PRKCH: variants seen among roughly 807,000 people sequenced by gnomAD.
PRKCH encodes the protein protein kinase C eta type.
Under a neutral mutation model 82.5 loss-of-function variants are expected in PRKCH, and 28 were observed. The observed-to-expected ratio is 0.34, with a 90% CI of 0.25 to 0.47. PRKCH has a LOEUF of 0.47. PRKCH is among the 20% of genes least tolerant of loss of function. PRKCH has a pLI of 1.00. For synonymous variants in PRKCH, 322 were observed against 327.4 expected (o/e 0.98, Z 0.18); for missense variants, 705 against 881.8 (o/e 0.80, Z 2.54).
intron 1 of PRKCH, among the ~76,000 whole-genome samples, chr14:61,383,650 C>T (rs1383444990): frequency 1.3e-5 from 2 of 151,688 alleles, no homozygotes; most frequent in Admixed American, 1.3e-4. Context: ...GAGTACCTTG[C>T]AGTTGTCCCG....
Position 61,241,951 on chromosome 14 carries a change from G to A in PRKCH, c.-19+54283G>A, listed in dbSNP as rs530299637. ...TATTTGAGAATGGAGGGAGATTAAC[G>A]TGTTGTTCCCAGTGCATTTCTAGCC... is the stretch of plus-strand genomic sequence containing the variant. On this transcript the variant is annotated intron_variant, in intron 1 of 3. Coordinates refer to the PRKCH transcript ENST00000555185. Among the ~76,000 whole-genome samples, 78 of 152,256 alleles carry A rather than the reference G, an allele frequency of 5.1e-4. No homozygotes were observed. In the South Asian group the frequency reaches 7.7e-3, roughly 15 times the overall value.
chr14:61,194,129 C>A (rs1350740892), intron 1 of PRKCH, among the ~76,000 whole-genome samples: 2 of 151,994 alleles, frequency 1.3e-5, no homozygotes, highest in East Asian at 3.9e-4. Flanking sequence ...TCTCTATTTG[C>A]TTGTTGTTAT....
intron 2 of PRKCH, among the ~76,000 whole-genome samples, chr14:61,404,977 T>C (rs1881860128): frequency 6.6e-6 from 1 of 152,204 alleles, no homozygotes; most frequent in South Asian, 2.1e-4. Context: ...ACTTAAGTGA[T>C]GTTCACTTAT....
chr14:61,449,130 G>A (rs1418457243), intron 4 of PRKCH, 34 bp from the exon 5 acceptor site: 2 of 1,592,410 alleles, frequency 1.3e-6, no homozygotes, highest in Admixed American at 1.7e-5. Flanking sequence ...GTGAGCTTCT[G>A]ATAAATGTAT....
Position 61,280,623 on chromosome 14 carries a change from C to T in PRKCH, c.-19+92955C>T. 1 of 1,579,072 alleles carries T rather than the reference C, an allele frequency of 6.3e-7. No homozygotes were observed. ...CGCCGGGCTGGCGCTGGTGCCAAAGCGAGAAGGAGTCGTTGAAGAGGCTGT... is the reference window on the plus strand; with the variant it reads ...CGCCGGGCTGGCGCTGGTGCCAAAGTGAGAAGGAGTCGTTGAAGAGGCTGT... On this transcript the variant is annotated intron_variant, in intron 1 of 3. Transcript: ENST00000555185. The surrounding 1 kb of genome is among the most constrained non-coding windows in gnomAD (Gnocchi z 5.0).
intron 1 of PRKCH, among the ~76,000 whole-genome samples, chr14:61,252,132 C>T (rs899403950): frequency 5.9e-5 from 9 of 152,218 alleles, no homozygotes; most frequent in Non-Finnish European, 1.2e-4. Context: ...GCCACCGTGC[C>T]CAGCCGAGGG....
At chr14:61,352,640 A>AAAAG (rs200488966) in intron 1 of PRKCH, among the ~76,000 whole-genome samples, 14 of 147,456 alleles carry the variant, frequency 9.5e-5, no homozygotes, top group South Asian at 2.2e-4. Flanking sequence ...ACTCCATCTC[A>AAAAG]AAAGAAAGAA....
At position 61,213,268 on chromosome 14, in the gene PRKCH, G is replaced by T. The variant is rs2044595519; in HGVS notation, c.-19+25600G>T. Among the ~76,000 whole-genome samples, 3 of 152,196 alleles carry T rather than the reference G, an allele frequency of 2.0e-5. No homozygotes were observed. The South Asian group carries it at 6.2e-4, about 32-fold the overall frequency. ...TAAAAAGGTCAGCAGAAATCACAAA[G>T]TCAAGGAAGAGTCTTGGTTTTTGTC... On this transcript the variant is annotated intron_variant, in intron 1 of 3. Transcript: ENST00000555185.
At chr14:61,224,087 C>T (rs2140054514) in intron 1 of PRKCH, among the ~76,000 whole-genome samples, 1 of 152,310 alleles carries the variant, frequency 6.6e-6, no homozygotes, top group South Asian at 2.1e-4. Context: ...ACTGAGAAGT[C>T]TCGATCCCAC....
chr14:61,419,987 C>T (rs1882751066), intron 2 of PRKCH, among the ~76,000 whole-genome samples: 2 of 152,184 alleles, frequency 1.3e-5, no homozygotes, highest in African/African-American at 4.8e-5. Context: ...TAGAGTCACC[C>T]TCACTGCACA....
chr14:61,341,432 C>T (rs889230378), intron 1 of PRKCH, among the ~76,000 whole-genome samples: 1 of 152,192 alleles, frequency 6.6e-6, no homozygotes, highest in Non-Finnish European at 1.5e-5. Flanking sequence ...ACAAAGACAT[C>T]CATAAACAGG....
chr14:61,547,174 A>G (rs905982083), intron 12 of PRKCH, among the ~76,000 whole-genome samples: 1 of 152,222 alleles, frequency 6.6e-6, no homozygotes, highest in African/African-American at 2.4e-5. Flanking sequence ...TCTTCGCTGC[A>G]TAAAGAAAAG....
intron 10 of PRKCH, among the ~76,000 whole-genome samples, chr14:61,516,471 A>G (rs145394106): frequency 0.021 from 3,265 of 152,326 alleles, 63 homozygotes; most frequent in Non-Finnish European, 0.03. Flanking sequence ...CACATTTAAT[A>G]ATGACTTTTA....
At chr14:61,197,847 G>A (rs904708122) in intron 1 of PRKCH, among the ~76,000 whole-genome samples, 7 of 152,252 alleles carry the variant, frequency 4.6e-5, no homozygotes, top group African/African-American at 7.2e-5. Context: ...TGTGAGGTGC[G>A]TAGAGATGTG....
At chr14:61,435,241 G>A (rs1883620113) in intron 2 of PRKCH, among the ~76,000 whole-genome samples, 1 of 152,126 alleles carries the variant, frequency 6.6e-6, no homozygotes, top group South Asian at 2.1e-4. Context: ...GGTGCATCTG[G>A]GGGTTCCTTC....
At chr14:61,263,028 GT>G (rs1249003175) in intron 1 of PRKCH, among the ~76,000 whole-genome samples, 5 of 152,010 alleles carry the variant, frequency 3.3e-5, no homozygotes, top group Non-Finnish European at 4.4e-5. Context: ...CTCATCATTG[GT>G]CCATTTGTAG....
chr14:61,261,767 A>G (rs1317845008), intron 1 of PRKCH, among the ~76,000 whole-genome samples: 2 of 151,918 alleles, frequency 1.3e-5, no homozygotes, highest in Non-Finnish European at 2.9e-5. Flanking sequence ...GTAGAGTTAG[A>G]TGTTACAGAT....
intron 1 of PRKCH, among the ~76,000 whole-genome samples, chr14:61,270,660 T>A (rs1209663860): frequency 6.6e-6 from 1 of 152,188 alleles, no homozygotes; most frequent in African/African-American, 2.4e-5. Flanking sequence ...AAGCACTGGA[T>A]GCAACACAGA....
At chr14:61,307,977 C>T (rs1179427617) in intron 1 of PRKCH, among the ~76,000 whole-genome samples, 2 of 152,174 alleles carry the variant, frequency 1.3e-5, no homozygotes, top group Non-Finnish European at 2.9e-5. Context: ...GTCAGAACCA[C>T]AGGCACACAT....
Sources: allele counts gnomAD v4.1 joint callset (sites outside exome capture counted in the v4.1 genomes callset), GRCh38; gene constraint gnomAD v4.1.1; non-coding constraint Gnocchi (gnomAD v3.1); transcripts MANE v1.5; gene names NCBI Gene and HGNC (gene_info 2026-07-23, HGNC 2026-07-21).